TBC1D22A: variants seen among roughly 807,000 people sequenced by gnomAD.
TBC1D22A encodes putative GTPase activator.
Under a neutral mutation model 60.2 loss-of-function variants are expected in TBC1D22A, and 38 were observed. That is an observed-to-expected ratio of 0.63 (90% CI 0.49 to 0.83). The LOEUF is 0.83. Ranked by LOEUF, TBC1D22A falls within the 40% of genes least tolerant of loss-of-function variation. The probability of loss-of-function intolerance (pLI) is 0.00; values close to 1 mark genes in which losing one functional copy is unlikely to be tolerated. For synonymous variants in TBC1D22A, 302 were observed against 281.7 expected, an observed-to-expected ratio of 1.07 and a Z score of -0.72; for missense variants, 628 against 701.0, an observed-to-expected ratio of 0.90 and a Z score of 1.18.
chr22:47,072,249 G>C (rs1206619893), intron 11 of TBC1D22A, among the ~76,000 whole-genome samples: 4 of 152,214 alleles, frequency 2.6e-5, no homozygotes, highest in Non-Finnish European at 5.9e-5. Context: ...GAGCTGCCCA[G>C]CTGGCAGGTG....
intron 1 of TBC1D22A, chr22:46,773,889 A>G (rs951442158): frequency 4.1e-6 from 4 of 977,002 alleles, no homozygotes; most frequent in African/African-American, 1.8e-5. Flanking sequence ...GCTCAAAGCC[A>G]CACAGCTCAT....
intron 12 of TBC1D22A, among the ~76,000 whole-genome samples, chr22:47,158,870 C>T (rs1297070748): frequency 6.6e-6 from 1 of 152,014 alleles, no homozygotes; most frequent in Non-Finnish European, 1.5e-5. Context: ...GGCGCAGGTC[C>T]CCTCCCCAGG....
intron 8 of TBC1D22A, chr22:46,915,002 C>T (rs901759473): frequency 6.0e-5 from 13 of 215,318 alleles, no homozygotes; most frequent in Non-Finnish European, 1.0e-4. Flanking sequence ...AGATTGAGGC[C>T]GGGCATTCAG....
At chr22:46,774,098 C>G in intron 1 of TBC1D22A, 1 of 985,656 alleles carries the variant, frequency 1.0e-6, no homozygotes. Context: ...ACCCATCCTC[C>G]TGTTTGAACT....
intron 4 of TBC1D22A, among the ~76,000 whole-genome samples, chr22:46,820,674 G>T (rs771113032): frequency 6.6e-6 from 1 of 152,184 alleles, no homozygotes; most frequent in Non-Finnish European, 1.5e-5. Flanking sequence ...TAGAATAAGC[G>T]CCATGTGGCA....
chr22:46,983,494 GC>G (rs1364869984), intron 9 of TBC1D22A, among the ~76,000 whole-genome samples: 1 of 152,128 alleles, frequency 6.6e-6, no homozygotes, highest in African/African-American at 2.4e-5. Flanking sequence ...TGGGCTTTCT[GC>G]CCATTTGCCT....
At chr22:46,964,433 T>C (rs1419693022) in intron 8 of TBC1D22A, among the ~76,000 whole-genome samples, 1 of 152,200 alleles carries the variant, frequency 6.6e-6, no homozygotes, top group African/African-American at 2.4e-5. Flanking sequence ...GGACCCTCTT[T>C]GTTAAAGGGA....
intron 4 of TBC1D22A, among the ~76,000 whole-genome samples, chr22:46,873,986 AT>A (rs1354307847): frequency 6.6e-6 from 1 of 151,896 alleles, no homozygotes; most frequent in Non-Finnish European, 1.5e-5. Context: ...TTGTTTTTGT[AT>A]TTTTAGTAGA....
intron 4 of TBC1D22A, among the ~76,000 whole-genome samples, chr22:46,816,872 T>A (rs1285103232): frequency 6.6e-6 from 1 of 152,194 alleles, no homozygotes; most frequent in Admixed American, 6.5e-5. Context: ...ATGGGGTCAT[T>A]CCCTCTGATT....
chr22:46,967,489 A>G (rs1372055403), intron 8 of TBC1D22A, among the ~76,000 whole-genome samples: 2 of 152,230 alleles, frequency 1.3e-5, no homozygotes, highest in African/African-American at 4.8e-5. Flanking sequence ...AATTAAGTGA[A>G]GAGGCTTATT....
At chr22:47,112,093 C>A (rs1026899374) in intron 12 of TBC1D22A, among the ~76,000 whole-genome samples, 20 of 152,354 alleles carry the variant, frequency 1.3e-4, no homozygotes, top group Non-Finnish European at 2.6e-4. Flanking sequence ...GCAGGAGAGC[C>A]CTCCTCGCAT....
At chr22:46,956,016 T>C (rs942157698) in intron 8 of TBC1D22A, among the ~76,000 whole-genome samples, 15 of 152,288 alleles carry the variant, frequency 9.8e-5, no homozygotes, top group Admixed American at 5.9e-4. Flanking sequence ...CATGATTTCA[T>C]AAAAACCTTT....
At chr22:46,910,964 G>T (rs1374405771) in intron 7 of TBC1D22A, among the ~76,000 whole-genome samples, 32 of 152,166 alleles carry the variant, frequency 2.1e-4, no homozygotes, top group Non-Finnish European at 8.8e-5. Context: ...GTGGGTGCTG[G>T]CTGGGGAGAC....
chr22:46,983,274 G>A (rs1418492139), intron 9 of TBC1D22A, among the ~76,000 whole-genome samples: 2 of 152,218 alleles, frequency 1.3e-5, no homozygotes, highest in Non-Finnish European at 2.9e-5. Context: ...TTTCCCTCAA[G>A]GTGGGACACC....
intron 11 of TBC1D22A, among the ~76,000 whole-genome samples, chr22:47,050,705 T>A (rs1315067358): frequency 2.0e-5 from 3 of 152,028 alleles, no homozygotes; most frequent in African/African-American, 7.2e-5. Flanking sequence ...CGGAGTCAGA[T>A]TGCAGGCCAT....
chr22:46,957,722 G>A (rs537279292), intron 8 of TBC1D22A, among the ~76,000 whole-genome samples: 20 of 152,338 alleles, frequency 1.3e-4, no homozygotes, highest in African/African-American at 4.1e-4. Context: ...GCCTTCCAGC[G>A]CCAGAGACGC....
At chr22:46,813,319 A>G (rs2085460936) in intron 4 of TBC1D22A, among the ~76,000 whole-genome samples, 1 of 152,246 alleles carries the variant, frequency 6.6e-6, no homozygotes, top group African/African-American at 2.4e-5. Context: ...ATATTAAAGA[A>G]TAAGATCTAT....
intron 4 of TBC1D22A, among the ~76,000 whole-genome samples, chr22:46,819,345 T>C (rs1322855934): frequency 1.3e-5 from 2 of 152,238 alleles, no homozygotes; most frequent in Admixed American, 1.3e-4. Context: ...CTTTTGCCCA[T>C]TCAATATGAT....
At chr22:47,135,973 C>T (rs974145425) in intron 12 of TBC1D22A, among the ~76,000 whole-genome samples, 2 of 152,194 alleles carry the variant, frequency 1.3e-5, no homozygotes, top group Admixed American at 1.3e-4. Flanking sequence ...GTAGATGGGC[C>T]AGGGACACCG....
Sources: gnomAD v4.1 joint callset for allele counts (sites outside exome capture counted in the v4.1 genomes callset) on GRCh38, gnomAD v4.1.1 for gene constraint, MANE v1.5 for transcripts, NCBI Gene and HGNC (gene_info 2026-07-23, HGNC 2026-07-21) for gene names.